Variants in GALNT14 observed in about 807,000 individuals in gnomAD.
GALNT14 encodes UDP-GalNAc:polypeptide N-acetylgalactosaminyltransferase 14.
A neutral mutation model predicts 77.5 loss-of-function variants in GALNT14; 60 were observed. The observed-to-expected ratio is 0.77, with a 90% CI of 0.63 to 0.96. GALNT14 has a LOEUF of 0.96. Ranked by LOEUF, GALNT14 falls within the 40% of genes least tolerant of loss-of-function variation. The pLI is 0.00. For missense variants in GALNT14, 710 were observed against 731.0 expected (o/e 0.97, Z 0.33); for synonymous variants, 280 against 281.7 (o/e 0.99, Z 0.06).
chr2:31,020,163 T>A (rs1004942792), intron 1 of GALNT14, among the ~76,000 whole-genome samples: 6 of 152,148 alleles, frequency 3.9e-5, no homozygotes, highest in Non-Finnish European at 8.8e-5. Context: ...GTCAGAGAAG[T>A]GTGTTTTGCA....
chr2:31,032,230 C>A (rs1414301486), intron 1 of GALNT14, among the ~76,000 whole-genome samples: 1 of 152,198 alleles, frequency 6.6e-6, no homozygotes, highest in Non-Finnish European at 1.5e-5. Context: ...TCCTTTGTGC[C>A]CATGATCCCT....
At chr2:31,098,168 C>A (rs1020148207) in intron 1 of GALNT14, among the ~76,000 whole-genome samples, 1 of 152,198 alleles carries the variant, frequency 6.6e-6, no homozygotes, top group African/African-American at 2.4e-5. Context: ...ACTGCATACT[C>A]AGCAAATGTA....
At chr2:31,020,274 T>C (rs1028295195) in intron 1 of GALNT14, among the ~76,000 whole-genome samples, 2 of 152,174 alleles carry the variant, frequency 1.3e-5, no homozygotes, top group African/African-American at 2.4e-5. Flanking sequence ...AAAAGGAGAT[T>C]GAACCAAAAA....
intron 10 of GALNT14, among the ~76,000 whole-genome samples, chr2:30,930,006 C>A (rs773046551): frequency 2.6e-5 from 4 of 152,204 alleles, no homozygotes; most frequent in Non-Finnish European, 5.9e-5. Flanking sequence ...CATGTGGGTG[C>A]TCAGAAAGTT....
At chr2:31,035,591 A>AGTGTGTG (rs1558512155) in intron 1 of GALNT14, among the ~76,000 whole-genome samples, 8 of 88,260 alleles carry the variant, frequency 9.1e-5, no homozygotes, top group African/African-American at 1.4e-4. Flanking sequence ...GTGTGTATAC[A>AGTGTGTG]TATACATATA....
chr2:31,080,418 T>G (rs1676086980), intron 1 of GALNT14, among the ~76,000 whole-genome samples: 1 of 152,250 alleles, frequency 6.6e-6, no homozygotes, highest in African/African-American at 2.4e-5. Context: ...TTTTATTTGT[T>G]AAATCTAACA....
chr2:30,969,380 C>A (rs1418218707), intron 2 of GALNT14, among the ~76,000 whole-genome samples: 2 of 152,200 alleles, frequency 1.3e-5, no homozygotes, highest in African/African-American at 2.4e-5. Context: ...GGGGACCACA[C>A]ACCCCAGCTT....
chr2:30,949,476 G>A (rs1307787286), intron 6 of GALNT14, among the ~76,000 whole-genome samples: 1 of 152,130 alleles, frequency 6.6e-6, no homozygotes, highest in African/African-American at 2.4e-5. Flanking sequence ...GCTCAAGCAG[G>A]CAGCTGGTGG....
Position 31,120,812 on chromosome 2 carries a change from C to T in GALNT14, c.129+17146G>A, listed in dbSNP as rs112975678. Among the ~76,000 whole-genome samples, 630 of 152,208 alleles carry T rather than the reference C, an allele frequency of 4.1e-3. 2 individuals carry two copies. The highest frequency in any genetic ancestry group is 0.014 in the African/African-American group (584 of 41,514). On this transcript the variant is annotated intron_variant, in intron 1 of 14. Transcript: ENST00000349752. ...CCTCTGGTGACCCACTGGCCTCGGC[C>T]CCCAAAGTGCTGGGATTACAGGCGT...
At chr2:31,132,730 A>G (rs1573394788) in intron 1 of GALNT14, 1 of 470,894 alleles carries the variant, frequency 2.1e-6, no homozygotes, top group Admixed American at 2.4e-5. Context: ...AAAAATGAAA[A>G]CAGCCGTTTG....
At chr2:30,938,308 TAC>T (rs10623006) in intron 9 of GALNT14, among the ~76,000 whole-genome samples, 73 of 142,572 alleles carry the variant, frequency 5.1e-4, no homozygotes, top group African/African-American at 1.1e-3. Context: ...ACATACACCC[TAC>T]ACACACACAC....
At chr2:30,996,404 C>T (rs550553414) in intron 1 of GALNT14, among the ~76,000 whole-genome samples, 28 of 152,372 alleles carry the variant, frequency 1.8e-4, no homozygotes, top group African/African-American at 6.5e-4. Flanking sequence ...AGCTGGGAAG[C>T]GGCCTCAGCC....
chr2:30,974,646 G>T (rs978956143), intron 2 of GALNT14, among the ~76,000 whole-genome samples: 2 of 152,108 alleles, frequency 1.3e-5, no homozygotes, highest in African/African-American at 4.8e-5. Context: ...TCTAATCTTG[G>T]CTTGGAAGTT....
intron 6 of GALNT14, among the ~76,000 whole-genome samples, chr2:30,948,315 T>C (rs1227946984): frequency 1.3e-5 from 2 of 152,226 alleles, no homozygotes; most frequent in African/African-American, 4.8e-5. Flanking sequence ...CTTGCCCAGC[T>C]CCTGGGAGGT....
In GALNT14 at chr2:31,138,189, G is replaced by A. The variant is rs1323555283; in HGVS notation, c.-103C>T. On this transcript the variant is annotated 5_prime_UTR_variant, in exon 1 of 15. Coordinates refer to ENST00000349752, the MANE Select transcript of GALNT14 (RefSeq NM_024572.4). ...GTCCTGGCGAGCGCCTCGCTCTGGG[G>A]AGCTCTAGACCCAGGATCCGGTTGG... The A allele has an allele frequency of 6.8e-7, 1 of 1,467,286 alleles. No homozygotes were observed. 90.9% of individuals were successfully genotyped at this position (1,467,286 alleles called of 1,614,324 possible). A position where few individuals can be genotyped will look rare whatever the true frequency, so the allele number is the denominator to read the frequency against.
intron 1 of GALNT14, among the ~76,000 whole-genome samples, chr2:31,067,796 C>T (rs1296980793): frequency 6.6e-6 from 1 of 152,156 alleles, no homozygotes; most frequent in African/African-American, 2.4e-5. Context: ...ACCCCATTTT[C>T]CAGACAAGGA....
intron 1 of GALNT14, among the ~76,000 whole-genome samples, chr2:30,995,178 T>TGTGTC (rs1669953426): frequency 6.7e-5 from 7 of 104,494 alleles, no homozygotes; most frequent in African/African-American, 2.3e-4. Context: ...GTGTGTGTGT[T>TGTGTC]CATGTGCATA....
chr2:31,084,319 G>A (rs1197949421), intron 1 of GALNT14, among the ~76,000 whole-genome samples: 2 of 152,204 alleles, frequency 1.3e-5, no homozygotes, highest in African/African-American at 4.8e-5. Flanking sequence ...AGCTCAAAGA[G>A]GTAATGCTGG....
intron 13 of GALNT14, 32 bp downstream of exon 13, chr2:30,924,087 C>T (rs1174352686): frequency 6.2e-7 from 1 of 1,613,750 alleles, no homozygotes; most frequent in Non-Finnish European, 8.5e-7. Flanking sequence ...TACTGTGACA[C>T]ATGGTCCTGT....
Sources: gnomAD v4.1 joint callset for allele counts (sites outside exome capture counted in the v4.1 genomes callset) on GRCh38, gnomAD v4.1.1 for gene constraint, MANE v1.5 for transcripts, NCBI Gene and HGNC (gene_info 2026-07-23, HGNC 2026-07-21) for gene names.